Variants in MYBPC2 observed in about 807,000 individuals in gnomAD.
MYBPC2 encodes myosin binding protein C2, also known as myosin-binding protein C, fast-type.
MYBPC2 carries 122 observed loss-of-function variants against 137.0 expected under a neutral mutation model. That is an observed-to-expected ratio of 0.89 (90% CI 0.77 to 1.03). The LOEUF is 1.03. Ranked by LOEUF, MYBPC2 falls within the 50% of genes least tolerant of loss-of-function variation. MYBPC2 has a pLI of 0.00. For missense variants in MYBPC2, 1,500 were observed against 1,534.4 expected (o/e 0.98, Z 0.37); for synonymous variants, 626 against 612.3 (o/e 1.02, Z -0.33).
intron 16 of MYBPC2, among the ~76,000 whole-genome samples, chr19:50,452,504 G>GTATCTATCTATCTATC (rs1208324934): frequency 0.025 from 2,524 of 102,796 alleles, 43 homozygotes; most frequent in African/African-American, 0.057. Context: ...ATGTATGTAT[G>GTATCTATCTATCTATC]TATGTATCTA....
chr19:50,437,280 C>G (rs2039712458), intron 5 of MYBPC2, among the ~76,000 whole-genome samples, 193 bp from the exon 6 acceptor site: 2 of 151,998 alleles, frequency 1.3e-5, no homozygotes, highest in African/African-American at 4.8e-5. Flanking sequence ...GAGGGTGGAG[C>G]TTGGCAGCTG....
chr19:50,441,842 AAAAATAAAATAAAATAAAAAATAAAAT>A (rs1350166728), intron 8 of MYBPC2, among the ~76,000 whole-genome samples: 3 of 150,304 alleles, frequency 2.0e-5, no homozygotes, highest in Non-Finnish European at 4.4e-5. Flanking sequence ...TCTGTCTCAA[AAAAATAAAATAAAATAAAAAATAAAAT>A]AAAATAAAAT....
At chr19:50,463,287 G>T (rs2039986769) in intron 26 of MYBPC2, among the ~76,000 whole-genome samples, 1 of 152,152 alleles carries the variant, frequency 6.6e-6, no homozygotes, top group South Asian at 2.1e-4. Flanking sequence ...TTTACCATCT[G>T]GTCCTTTATA....
chr19:50,446,818 CAAAAA>C (rs746953730), intron 12 of MYBPC2, among the ~76,000 whole-genome samples: 1 of 102,482 alleles, frequency 9.8e-6, no homozygotes, highest in Non-Finnish European at 1.9e-5. Flanking sequence ...GACTCTGTCT[CAAAAA>C]AAAAAAAAAA....
chr19:50,462,974 T>C (rs960586058), intron 26 of MYBPC2, among the ~76,000 whole-genome samples: 2 of 152,332 alleles, frequency 1.3e-5, no homozygotes, highest in African/African-American at 4.8e-5. Flanking sequence ...AAAGAAACGT[T>C]GGGAGCAGGG....
intron 11 of MYBPC2, among the ~76,000 whole-genome samples, 189 bp downstream of exon 11, chr19:50,444,005 G>A (rs2039779513): frequency 6.6e-6 from 1 of 151,890 alleles, no homozygotes; most frequent in Admixed American, 6.6e-5. Context: ...TAGAATTTCT[G>A]ACCTCTACCT....
chr19:50,466,166 G>C lies in MYBPC2; in HGVS notation c.3416-29G>C. ...TTCAGGAGGAGGCGTGCCCGGGCCT[G>C]GCTCACCCGCTTTCTCGTTTTCCTG... On this transcript the variant is annotated intron_variant, in intron 27 of 27. Transcript: ENST00000357701. This position sits in a 1 kb window ranked among gnomAD's most constrained non-coding sequence, Gnocchi z 4.9. 2 of 1,613,556 alleles carry C rather than the reference G, an allele frequency of 1.2e-6. No homozygotes were observed. Among genetic ancestry groups the C allele is most frequent in the Non-Finnish European group, 1.7e-6 (2 of 1,179,830 alleles).
rs565481593 is a variant in MYBPC2 at position 50,459,906 on chromosome 19, G to C, written c.2792-134G>C. The C allele has an allele frequency of 3.9e-6, 5 of 1,288,704 alleles. No homozygotes were observed. In the Admixed American group the frequency reaches 6.1e-5, roughly 16 times the overall value. 79.8% of individuals were successfully genotyped at this position (1,288,704 alleles called of 1,614,324 possible). A position where few individuals can be genotyped will look rare whatever the true frequency, so the allele number is the denominator to read the frequency against. Reference sequence around the variant, plus strand: ...GAAGTGGAGAGACTGGGATGGGGGAGGCCATAGGCAGGAATGGGAATGGGG... The same window carrying C: ...GAAGTGGAGAGACTGGGATGGGGGACGCCATAGGCAGGAATGGGAATGGGG... On this transcript the variant is annotated intron_variant, in intron 23 of 27. Coordinates refer to ENST00000357701, the MANE Select transcript of MYBPC2 (RefSeq NM_004533.4).
chr19:50,440,936 T>TC lies in MYBPC2; in HGVS notation c.635dup (p.Glu213GlyfsTer37). The TC allele has an allele frequency of 6.2e-7, 1 of 1,612,870 alleles. No individual in the cohort carries two copies. The highest frequency in any genetic ancestry group is 2.2e-5 in the East Asian group (1 of 44,836). ...AAGAAAGATGACGATGACCTAGGCA[T>TC]CCCCCCGGAGATTTGGGAGCTCCTG... On this transcript the variant is annotated frameshift_variant, in exon 8 of 28. Transcript: ENST00000357701. LOFTEE classifies it high-confidence loss of function.
chr19:50,464,630 A>G (rs1055467661), intron 27 of MYBPC2, 98 bp downstream of exon 27: 8 of 1,313,082 alleles, frequency 6.1e-6, no homozygotes, highest in Admixed American at 2.8e-5. Flanking sequence ...AGATCTGGAG[A>G]CGAGTGAGAC....
At chr19:50,441,106 C>T in intron 8 of MYBPC2, 30 bp downstream of exon 8, 1 of 1,547,840 alleles carries the variant, frequency 6.5e-7, no homozygotes, top group Admixed American at 2.0e-5. Context: ...GAGCTGGGCC[C>T]TGCACACAAG....
rs149333485 is a variant in MYBPC2 at position 50,460,210 on chromosome 19, G to A, written c.2931+31G>A. ...AGAGCAGAGGGGGAGATGGGGAAGA[G>A]CCGGTGAGGTGGGCAGAGCAGGTGC... On this transcript the variant is annotated intron_variant, in intron 24 of 27. Coordinates refer to ENST00000357701, the MANE Select transcript of MYBPC2 (RefSeq NM_004533.4). 6.9e-4 allele frequency: 1,088 copies of A among 1,583,024 alleles called. 2 individuals carry two copies. The highest frequency in any genetic ancestry group is 7.6e-4 in the Non-Finnish European group (884 of 1,164,286).
At position 50,435,800 on chromosome 19, in the gene MYBPC2, C is replaced by T. The variant is rs200367701; in HGVS notation, c.134C>T (p.Pro45Leu). 6 of 1,611,688 alleles carry T rather than the reference C, an allele frequency of 3.7e-6. No homozygotes were observed. The highest frequency in any genetic ancestry group is 1.3e-5 in the African/African-American group (1 of 74,830). Residue 45 changes from proline (P) to leucine (L), a missense_variant, in exon 3 of 28, where the codon CCG becomes CTG. Coordinates refer to ENST00000357701, the MANE Select transcript of MYBPC2 (RefSeq NM_004533.4). The surrounding 1 kb of genome is among the most constrained non-coding windows in gnomAD (Gnocchi z 4.8). ...GAAGCCCCACCCGAGGACCAGTCCC[C>T]GACTGCAGAGGAGCCCACCGGCGTT... ...PKEAPPEDQS[P>L]TAEEPTGVFL...
At chr19:50,453,895 C>T (rs1005742329) in intron 16 of MYBPC2, 125 bp from the exon 17 acceptor site, 29 of 1,103,804 alleles carry the variant, frequency 2.6e-5, no homozygotes, top group Middle Eastern at 2.7e-4. Context: ...GGCAGTGGAG[C>T]GAGTGAGGAC....
chr19:50,458,849 T>TATC, intron 21 of MYBPC2, 69 bp from the exon 22 acceptor site: 1 of 1,595,286 alleles, frequency 6.3e-7, no homozygotes, highest in Non-Finnish European at 8.5e-7. Flanking sequence ...CAGAGAGCCT[T>TATC]ATCACCATTG....
intron 13 of MYBPC2, among the ~76,000 whole-genome samples, chr19:50,449,265 C>T (rs909117722): frequency 1.3e-5 from 2 of 152,180 alleles, no homozygotes; most frequent in Non-Finnish European, 2.9e-5. Flanking sequence ...AGGATGGCCT[C>T]GTTCTTACCT....
Position 50,435,278 on chromosome 19 carries a change from C to T in MYBPC2, c.109+28C>T, listed in dbSNP as rs181585411. On this transcript the variant is annotated intron_variant, in intron 2 of 27. Coordinates refer to ENST00000357701, the MANE Select transcript of MYBPC2 (RefSeq NM_004533.4). This position sits in a 1 kb window ranked among gnomAD's most constrained non-coding sequence, Gnocchi z 4.8. ...GAGGAGGTGCTCCCTCGGGCTCAAC[C>T]GACCTGGCTTCTCATCTCCATCCTC... The T allele has an allele frequency of 2.6e-5, 21 of 813,446 alleles. No individual in the cohort carries two copies. Among genetic ancestry groups the T allele is most frequent in the Admixed American group, 3.9e-5 (2 of 50,818 alleles). The allele number at this position is 813,446 out of a possible 1,614,324, so 50.4% of individuals were successfully genotyped here.
intron 9 of MYBPC2, among the ~76,000 whole-genome samples, chr19:50,442,602 G>A (rs1453835442): frequency 6.6e-6 from 1 of 151,782 alleles, no homozygotes; most frequent in Non-Finnish European, 1.5e-5. Context: ...TGTAGTGCCT[G>A]TAATCCCAGC....
chr19:50,464,302 G>A, intron 26 of MYBPC2, 44 bp from the exon 27 acceptor site: 1 of 1,534,984 alleles, frequency 6.5e-7, no homozygotes, highest in African/African-American at 1.4e-5. Context: ...TCATTGCCCA[G>A]GGTCTCTCTC....
Sources: allele counts gnomAD v4.1 joint callset (sites outside exome capture counted in the v4.1 genomes callset), GRCh38; gene constraint gnomAD v4.1.1; non-coding constraint Gnocchi (gnomAD v3.1); transcripts MANE v1.5; gene names NCBI Gene and HGNC (gene_info 2026-07-23, HGNC 2026-07-21).